GLG1: variants seen among roughly 807,000 people sequenced by gnomAD.
The protein encoded by GLG1 is Golgi apparatus protein 1.
GLG1 carries 38 observed loss-of-function variants against 160.5 expected under a neutral mutation model. That is an observed-to-expected ratio of 0.24 (90% CI 0.18 to 0.31). The LOEUF (loss-of-function observed/expected upper bound fraction) is 0.31. Ranked by LOEUF, GLG1 falls within the 10% of genes least tolerant of loss-of-function variation. The probability of loss-of-function intolerance (pLI) is 1.00; values close to 1 mark genes in which losing one functional copy is unlikely to be tolerated. For missense variants in GLG1, 1,373 were observed against 1,505.2 expected (o/e 0.91, Z 1.45); for synonymous variants, 644 against 543.4 (o/e 1.19, Z -2.57).
At chr16:74,477,292 G>A (rs577822775) in intron 12 of GLG1, 104 bp downstream of exon 12, 1 of 911,480 alleles carries the variant, frequency 1.1e-6, no homozygotes, top group Admixed American at 2.0e-5. Flanking sequence ...AATCACATCT[G>A]TAAGGTAAAG....
chr16:74,464,843 AT>A (rs398029916), intron 19 of GLG1, among the ~76,000 whole-genome samples: 40 of 151,174 alleles, frequency 2.6e-4, no homozygotes, highest in South Asian at 1.7e-3. Flanking sequence ...TTTAAAAAAA[AT>A]TTTTTTTTTC....
At chr16:74,558,118 T>C (rs1597345395) in intron 1 of GLG1, among the ~76,000 whole-genome samples, 1 of 152,364 alleles carries the variant, frequency 6.6e-6, no homozygotes, top group South Asian at 2.1e-4. Context: ...GATTTTCATA[T>C]ATTATATACT....
At chr16:74,532,829 C>A (rs1739963870) in intron 1 of GLG1, among the ~76,000 whole-genome samples, 2 of 152,158 alleles carry the variant, frequency 1.3e-5, no homozygotes, top group Admixed American at 1.3e-4. Flanking sequence ...TCCCAGCCCC[C>A]ATCAATGATT....
intron 22 of GLG1, among the ~76,000 whole-genome samples, chr16:74,460,581 T>C (rs2014751579): frequency 6.6e-6 from 1 of 152,248 alleles, no homozygotes; most frequent in South Asian, 2.1e-4. Flanking sequence ...AGCACTGCTA[T>C]CACCAGAACC....
rs889048302 is a variant in GLG1, at chr16:74,567,670, G to A, written c.439-35517C>T. 2.8e-5 allele frequency among the ~76,000 whole-genome samples: 4 copies of A among 142,776 alleles called. No homozygotes were observed. The South Asian group carries it at 7.2e-4, about 26-fold the overall frequency. 93.7% of individuals were successfully genotyped at this position (142,776 alleles called of 152,430 possible). ...TGCAAGCTCCGCTTCCCGGGTTCAC[G>A]CCATTCTCCTGCCTCAGCCTCCCGA... On this transcript the variant is annotated intron_variant, in intron 1 of 25. Coordinates refer to ENST00000422840, the MANE Select transcript of GLG1 (RefSeq NM_001145667.2).
intron 20 of GLG1, 125 bp downstream of exon 20, chr16:74,463,231 A>C (rs2014869539): frequency 3.3e-6 from 3 of 896,964 alleles, no homozygotes; most frequent in Non-Finnish European, 5.2e-6. Context: ...CCCTGCTTAC[A>C]CTCAGACTCC....
chr16:74,480,984 T>A (rs548371490), intron 10 of GLG1, among the ~76,000 whole-genome samples: 25 of 152,328 alleles, frequency 1.6e-4, no homozygotes, highest in African/African-American at 6.0e-4. Flanking sequence ...CTTGGCTTTG[T>A]TAGATACCTA....
chr16:74,522,790 C>T (rs529301900), intron 2 of GLG1, among the ~76,000 whole-genome samples: 4 of 152,254 alleles, frequency 2.6e-5, no homozygotes, highest in South Asian at 2.1e-4. Flanking sequence ...CTCAAGCGAT[C>T]CTCTCGCCTC....
intron 12 of GLG1, 137 bp from the exon 13 acceptor site, chr16:74,474,769 G>A: frequency 1.5e-6 from 1 of 664,722 alleles, no homozygotes; most frequent in South Asian, 1.7e-5. Flanking sequence ...CACTGAACAG[G>A]ACACAAAAGC....
At chr16:74,601,294 T>C (rs1958433099) in intron 1 of GLG1, among the ~76,000 whole-genome samples, 1 of 151,892 alleles carries the variant, frequency 6.6e-6, no homozygotes, top group Non-Finnish European at 1.5e-5. Flanking sequence ...GAAACCGTAC[T>C]GTAGGGGCAG....
At chr16:74,496,680 T>G in intron 4 of GLG1, 36 bp from the exon 5 acceptor site, 21 of 1,322,696 alleles carry the variant, frequency 1.6e-5, no homozygotes, top group South Asian at 2.3e-5. Flanking sequence ...TTAAAACTTT[T>G]ATCACATGGG....
intron 1 of GLG1, among the ~76,000 whole-genome samples, chr16:74,586,112 T>C (rs1958046973): frequency 6.8e-6 from 1 of 147,784 alleles, no homozygotes; most frequent in Non-Finnish European, 1.5e-5. Flanking sequence ...GTGAATCCTA[T>C]GGTAAGTGAA....
chr16:74,589,247 T>C (rs1473136354), intron 1 of GLG1, among the ~76,000 whole-genome samples: 1 of 117,776 alleles, frequency 8.5e-6, no homozygotes. Context: ...AGAGTGAAAC[T>C]CTCTGTCTCA....
At chr16:74,485,721 G>A in intron 9 of GLG1, 75 bp downstream of exon 9, 1 of 1,392,998 alleles carries the variant, frequency 7.2e-7, no homozygotes, top group Non-Finnish European at 9.9e-7. Context: ...CCACCCAAAA[G>A]TCATTTGAAG....
chr16:74,474,689 A>AG (rs1423730795), intron 12 of GLG1, 57 bp from the exon 13 acceptor site: 1 of 831,838 alleles, frequency 1.2e-6, no homozygotes, highest in Non-Finnish European at 2.1e-6. Context: ...GAACAAGGCA[A>AG]GGGGAGATAT....
chr16:74,572,712 T>C (rs2143787681), intron 1 of GLG1, among the ~76,000 whole-genome samples: 1 of 152,198 alleles, frequency 6.6e-6, no homozygotes, highest in African/African-American at 2.4e-5. Context: ...TAATATTCCT[T>C]AAAATACTTG....
chr16:74,573,320 T>C (rs1455278161), intron 1 of GLG1, among the ~76,000 whole-genome samples: 5 of 152,062 alleles, frequency 3.3e-5, no homozygotes, highest in Non-Finnish European at 7.4e-5. Flanking sequence ...GTGCTAAATA[T>C]CTGGGTAAAT....
intron 1 of GLG1, among the ~76,000 whole-genome samples, chr16:74,573,259 A>C (rs2018888158): frequency 6.6e-6 from 1 of 152,190 alleles, no homozygotes; most frequent in African/African-American, 2.4e-5. Context: ...AGTTCTGAAG[A>C]ATGTATTGTA....
chr16:74,452,831 A>T lies in GLG1; in HGVS notation c.*336T>A. On this transcript the variant is annotated 3_prime_UTR_variant, in exon 26 of 26. Coordinates refer to ENST00000422840, the MANE Select transcript of GLG1 (RefSeq NM_001145667.2). ...AATTTTTTTTTTTGGTGGTTTTCTT[A>T]AAAAAGCCTTTGAGTTGCAGGTCAG... 1.9e-6 allele frequency: 2 copies of T among 1,035,058 alleles called. No individual in the cohort carries two copies. The highest frequency in any genetic ancestry group is 7.8e-5 in the East Asian group (1 of 12,850). The allele number at this position is 1,035,058 out of a possible 1,614,324, so 64.1% of individuals were successfully genotyped here.
Sources: allele counts gnomAD v4.1 joint callset (sites outside exome capture counted in the v4.1 genomes callset), GRCh38; gene constraint gnomAD v4.1.1; transcripts MANE v1.5; gene names NCBI Gene and HGNC (gene_info 2026-07-23, HGNC 2026-07-21).